The following SNTG2 variants were observed in gnomAD, a reference collection of about 807,000 sequenced individuals.
SNTG2 encodes syntrophin gamma 2.
A neutral mutation model predicts 70.9 loss-of-function variants in SNTG2; 74 were observed. That is an observed-to-expected ratio of 1.04 (90% CI 0.86 to 1.27). The LOEUF is 1.27. Ranked by LOEUF, SNTG2 falls within the 50% of genes most tolerant of loss-of-function variation. The pLI is 0.00. For missense variants in SNTG2, 717 were observed against 690.7 expected (o/e 1.04, Z -0.43); for synonymous variants, 278 against 273.8 (o/e 1.02, Z -0.15).
At chr2:994,635 A>G (rs999337459) in intron 1 of SNTG2, among the ~76,000 whole-genome samples, 4 of 152,040 alleles carry the variant, frequency 2.6e-5, no homozygotes, top group African/African-American at 9.7e-5. Context: ...TATCCATTTC[A>G]TAATATTAAG....
At chr2:1,315,166 C>A (rs1681214846) in intron 15 of SNTG2, among the ~76,000 whole-genome samples, 1 of 152,192 alleles carries the variant, frequency 6.6e-6, no homozygotes, top group Non-Finnish European at 1.5e-5. Flanking sequence ...GACAGAGAAA[C>A]TATTCCCTAA....
intron 1 of SNTG2, among the ~76,000 whole-genome samples, chr2:1,063,631 A>G (rs1261752333): frequency 6.6e-6 from 1 of 152,170 alleles, no homozygotes; most frequent in Admixed American, 6.5e-5. Flanking sequence ...TTCAAGCAGA[A>G]AGGTTATTAA....
At chr2:1,322,890 AG>A (rs1472985789) in intron 16 of SNTG2, among the ~76,000 whole-genome samples, 1 of 152,126 alleles carries the variant, frequency 6.6e-6, no homozygotes, top group East Asian at 1.9e-4. Flanking sequence ...CTTTTGAAAG[AG>A]GGCTCAGAGG....
At position 992,376 on chromosome 2, in the gene SNTG2, T is replaced by C. The variant is rs553262150; in HGVS notation, c.72+41308T>C. Among the ~76,000 whole-genome samples, 5 of 152,312 alleles carry C rather than the reference T, an allele frequency of 3.3e-5. No individual in the cohort carries two copies. In the South Asian group the frequency reaches 1.0e-3, roughly 32 times the overall value. On this transcript the variant is annotated intron_variant, in intron 1 of 16. Transcript: ENST00000308624. ...CTGAAGAAATTAAATGAAACAGATGTGATAATCAAATTACAACTACAAAAC... is the reference window on the plus strand; with the variant it reads ...CTGAAGAAATTAAATGAAACAGATGCGATAATCAAATTACAACTACAAAAC...
intron 6 of SNTG2, among the ~76,000 whole-genome samples, chr2:1,145,222 G>A (rs1669020608): frequency 6.6e-6 from 1 of 151,910 alleles, no homozygotes; most frequent in Non-Finnish European, 1.5e-5. Flanking sequence ...CCCAATGTAA[G>A]TAGAGGAAAA....
At chr2:1,331,366 T>C (rs1659518576) in intron 16 of SNTG2, among the ~76,000 whole-genome samples, 1 of 152,222 alleles carries the variant, frequency 6.6e-6, no homozygotes, top group Admixed American at 6.5e-5. Flanking sequence ...AAACCACTGG[T>C]GCTAGACTGG....
chr2:1,055,388 A>T (rs973715852), intron 1 of SNTG2, among the ~76,000 whole-genome samples: 1 of 152,204 alleles, frequency 6.6e-6, no homozygotes, highest in Non-Finnish European at 1.5e-5. Context: ...GAGCCCACAC[A>T]GAAAGAATGC....
chr2:1,037,229 T>C (rs549309937), intron 1 of SNTG2, among the ~76,000 whole-genome samples: 75 of 152,300 alleles, frequency 4.9e-4, no homozygotes, highest in African/African-American at 1.8e-3. Context: ...CAGAGCCAGC[T>C]GGACCATGTC....
chr2:965,881 C>G (rs941637958), intron 1 of SNTG2, among the ~76,000 whole-genome samples: 3 of 152,192 alleles, frequency 2.0e-5, no homozygotes, highest in Non-Finnish European at 2.9e-5. Context: ...GGGCAGGAGT[C>G]AAGGGCCGCC....
At chr2:1,237,190 A>T (rs1367757300) in intron 9 of SNTG2, among the ~76,000 whole-genome samples, 1 of 152,012 alleles carries the variant, frequency 6.6e-6, no homozygotes, top group African/African-American at 2.4e-5. Context: ...TGATCCACCT[A>T]CCTCAGTCTT....
chr2:1,231,076 G>A (rs1440896231), intron 9 of SNTG2, among the ~76,000 whole-genome samples: 12 of 147,234 alleles, frequency 8.2e-5, no homozygotes, highest in African/African-American at 2.9e-4. Context: ...GATCCGAAAG[G>A]TGAATTACTT....
intron 1 of SNTG2, among the ~76,000 whole-genome samples, chr2:956,699 G>A (rs1213805056): frequency 1.3e-5 from 2 of 152,252 alleles, no homozygotes; most frequent in Non-Finnish European, 2.9e-5. Context: ...GAAGGACACA[G>A]CCCGGGGAAC....
intron 1 of SNTG2, among the ~76,000 whole-genome samples, chr2:1,073,774 G>A (rs1572366847): frequency 6.6e-6 from 1 of 152,132 alleles, no homozygotes; most frequent in Non-Finnish European, 1.5e-5. Context: ...ATAAGTTTAT[G>A]TAATTGCTTT....
chr2:1,266,254 C>G (rs953173082), intron 13 of SNTG2, among the ~76,000 whole-genome samples: 3 of 152,158 alleles, frequency 2.0e-5, no homozygotes, highest in African/African-American at 7.2e-5. Context: ...CACCTCCATG[C>G]TGTTGACCTA....
At chr2:1,367,226 T>C (rs1283567554) in intron 16 of SNTG2, 117 bp from the exon 17 acceptor site, 1 of 918,628 alleles carries the variant, frequency 1.1e-6, no homozygotes, top group Non-Finnish European at 1.6e-6. Context: ...TCCTGTCTAT[T>C]ATTATTTTTT....
At chr2:1,140,211 C>G (rs1314838375) in intron 6 of SNTG2, among the ~76,000 whole-genome samples, 1 of 152,194 alleles carries the variant, frequency 6.6e-6, no homozygotes, top group Non-Finnish European at 1.5e-5. Context: ...ATTCACTCTA[C>G]TGCTTTGGAA....
chr2:1,281,631 C>T (rs1679551256), intron 14 of SNTG2, among the ~76,000 whole-genome samples: 1 of 151,984 alleles, frequency 6.6e-6, no homozygotes, highest in African/African-American at 2.4e-5. Context: ...GAACACGTCC[C>T]CAGAGTACCT....
intron 12 of SNTG2, among the ~76,000 whole-genome samples, chr2:1,248,398 C>T (rs1452882315): frequency 6.6e-6 from 1 of 152,218 alleles, no homozygotes; most frequent in Non-Finnish European, 1.5e-5. Context: ...CACACTTCGC[C>T]CTCCAGTCAA....
Position 1,242,429 on chromosome 2 carries a change from A to G in SNTG2, c.888+2653A>G, listed in dbSNP as rs145550960. On this transcript the variant is annotated intron_variant, in intron 11 of 16. Coordinates refer to ENST00000308624, the MANE Select transcript of SNTG2 (RefSeq NM_018968.4). ...AAAAACAGAATTAGGAGAATACTAC[A>G]AAAAGCATAATGTATGCATTTTTAG... 2.6e-4 allele frequency among the ~76,000 whole-genome samples: 39 copies of G among 152,344 alleles called. No individual in the cohort carries two copies. The East Asian group carries it at 7.3e-3, about 29-fold the overall frequency.
Sources: allele counts gnomAD v4.1 joint callset (sites outside exome capture counted in the v4.1 genomes callset), GRCh38; gene constraint gnomAD v4.1.1; transcripts MANE v1.5; gene names NCBI Gene and HGNC (gene_info 2026-07-23, HGNC 2026-07-21).